EED: variants seen among roughly 807,000 people sequenced by gnomAD.
EED encodes embryonic ectoderm development.
EED carries 9 observed loss-of-function variants against 61.0 expected under a neutral mutation model. That is an observed-to-expected ratio of 0.15 (90% CI 0.09 to 0.26). The LOEUF (loss-of-function observed/expected upper bound fraction) is 0.26, where lower values mean the gene tolerates loss of function less well. Ranked by LOEUF, EED falls within the 10% of genes least tolerant of loss-of-function variation. EED has a pLI of 1.00. For missense variants in EED, 315 were observed against 542.3 expected (o/e 0.58, Z 4.16); for synonymous variants, 187 against 174.4 (o/e 1.07, Z -0.57).
chr11:86,265,227 G>A (rs563994636), intron 7 of EED: 1 of 152,226 alleles, frequency 6.6e-6, no homozygotes, highest in Non-Finnish European at 1.5e-5. Context: ...AAGTTCTTAG[G>A]CTCTTATAAA....
chr11:86,255,728 GTT>G (rs1267885886), intron 4 of EED, among the ~76,000 whole-genome samples: 3 of 151,650 alleles, frequency 2.0e-5, no homozygotes, highest in Non-Finnish European at 4.4e-5. Context: ...GAAAAAAAAA[GTT>G]TAGGAAAAAT....
intron 1 of EED, among the ~76,000 whole-genome samples, chr11:86,246,243 T>TAACC (rs142061557): frequency 4.0e-3 from 617 of 152,384 alleles, no homozygotes; most frequent in African/African-American, 0.014. Context: ...TTTAGGTTGA[T>TAACC]AACCAGTAAG....
At chr11:86,268,611 GTGTGTGTGTGTGTGTA>G (rs772465920) in intron 9 of EED, 50 bp downstream of exon 9, 1 of 1,181,874 alleles carries the variant, frequency 8.5e-7, no homozygotes, top group Admixed American at 2.2e-5. Context: ...GTGTGTGTGT[GTGTGTGTGTGTGTGTA>G]TGTGTGTGCG....
At chr11:86,245,843 G>A (rs1945378028) in intron 1 of EED, among the ~76,000 whole-genome samples, 1 of 152,148 alleles carries the variant, frequency 6.6e-6, no homozygotes, top group Admixed American at 6.5e-5. Context: ...TTTTGTGTCC[G>A]CCTCCGTCCT....
chr11:86,266,738 A>G (rs569948753), intron 8 of EED, among the ~76,000 whole-genome samples: 1 of 152,226 alleles, frequency 6.6e-6, no homozygotes, highest in Non-Finnish European at 1.5e-5. Flanking sequence ...ATGGTACTAT[A>G]GGTTGGGGAA....
In EED at chr11:86,245,172, G is replaced by T. The variant is rs957123966; in HGVS notation, c.-58G>T. 5.6e-6 allele frequency: 8 copies of T among 1,439,198 alleles called. No homozygotes were observed. The East Asian group carries it at 1.5e-4, about 26-fold the overall frequency. The allele number at this position is 1,439,198 out of a possible 1,614,324, so 89.2% of individuals were successfully genotyped here. ...CAAGCTCGGGCCGGGCTTGCTTGAC[G>T]GCGGTGTGGCGGAGGCCCCGCCCCA... On this transcript the variant is annotated 5_prime_UTR_variant, in exon 1 of 12. Coordinates refer to ENST00000263360, the MANE Select transcript of EED (RefSeq NM_003797.5).
chr11:86,276,345 C>T (rs1946229823), intron 9 of EED: 1 of 152,176 alleles, frequency 6.6e-6, no homozygotes, highest in African/African-American at 2.4e-5. Flanking sequence ...ATCCTATCCC[C>T]ATATGAGTGT....
At chr11:86,278,131 CTT>C in intron 11 of EED, 140 bp downstream of exon 11, 3 of 1,351,752 alleles carry the variant, frequency 2.2e-6, no homozygotes, top group Non-Finnish European at 2.9e-6. Context: ...TAAAGTTATT[CTT>C]TTTTATTCCA....
intron 2 of EED, 130 bp downstream of exon 2, chr11:86,250,578 G>GT (rs35137499): frequency 0.029 from 25,490 of 872,700 alleles, 4 homozygotes; most frequent in East Asian, 0.048. Context: ...TTTCTGAAGG[G>GT]TTTTTTTTTT....
downstream of EED, among the ~76,000 whole-genome samples, chr11:86,280,703 A>G (rs1788728673): frequency 6.6e-6 from 1 of 152,270 alleles, no homozygotes. Context: ...TATACAATGT[A>G]GAATGAGCAA....
At chr11:86,262,958 C>A (rs1945871984) in intron 6 of EED, among the ~76,000 whole-genome samples, 1 of 151,952 alleles carries the variant, frequency 6.6e-6, no homozygotes, top group African/African-American at 2.4e-5. Flanking sequence ...ACTGCAGGTA[C>A]ACGCCACCAC....
chr11:86,278,040 C>T lies in EED; in HGVS notation c.1199+49C>T, dbSNP rs775181657. ...CAAAATTTCAGGCTTTTTCTCCACA[C>T]TTGTATGCCAATGTAGAGAAGATCA... On this transcript the variant is annotated intron_variant, in intron 11 of 11. Transcript: ENST00000263360. 26 of 1,476,768 alleles carry T rather than the reference C, an allele frequency of 1.8e-5. No homozygotes were observed. In the South Asian group the frequency reaches 2.0e-4, roughly 11 times the overall value. 91.5% of individuals were successfully genotyped at this position (1,476,768 alleles called of 1,614,324 possible). A position where few individuals can be genotyped will look rare whatever the true frequency, so the allele number is the denominator to read the frequency against.
At chr11:86,269,276 A>G (rs1242902664) in intron 9 of EED, among the ~76,000 whole-genome samples, 1 of 152,162 alleles carries the variant, frequency 6.6e-6, no homozygotes, top group Non-Finnish European at 1.5e-5. Flanking sequence ...CCATTTTGGT[A>G]AAGTTGAAAA....
chr11:86,255,948 T>C (rs1013389488), intron 4 of EED, among the ~76,000 whole-genome samples: 1 of 152,218 alleles, frequency 6.6e-6, no homozygotes, highest in African/African-American at 2.4e-5. Flanking sequence ...CCTGTTGTTG[T>C]ATTGAGACTG....
chr11:86,271,619 T>C (rs1946113004), intron 9 of EED, among the ~76,000 whole-genome samples: 1 of 152,230 alleles, frequency 6.6e-6, no homozygotes, highest in Admixed American at 6.5e-5. Flanking sequence ...TGTTTTGTTT[T>C]GTTTTGTAGA....
intron 6 of EED, among the ~76,000 whole-genome samples, chr11:86,258,863 A>G (rs571574903): frequency 1.1e-4 from 17 of 148,294 alleles, no homozygotes; most frequent in Non-Finnish European, 2.2e-4. Flanking sequence ...GCCTCTATTT[A>G]TTTATTTATT....
intron 9 of EED, among the ~76,000 whole-genome samples, chr11:86,273,462 G>T (rs1043598357): frequency 3.3e-5 from 5 of 149,446 alleles, no homozygotes; most frequent in African/African-American, 1.3e-4. Flanking sequence ...AAAAGGAAAA[G>T]GAGAATATTA....
chr11:86,273,890 T>A (rs1593769098), intron 9 of EED, among the ~76,000 whole-genome samples: 1 of 152,218 alleles, frequency 6.6e-6, no homozygotes, highest in Non-Finnish European at 1.5e-5. Flanking sequence ...TTGAGTGCGA[T>A]ATGACTTGAT....
In EED at chr11:86,245,039, T is replaced by G; in HGVS notation, c.-191T>G. 2.1e-6 allele frequency: 1 copy of G among 487,370 alleles called. No individual in the cohort carries two copies. Among genetic ancestry groups the G allele is most frequent in the Non-Finnish European group, 3.7e-6 (1 of 273,038 alleles). The allele number at this position is 487,370 out of a possible 1,614,324, so 30.2% of individuals were successfully genotyped here. On this transcript the variant is annotated 5_prime_UTR_variant, in exon 1 of 12. Transcript: ENST00000263360. ...CGGGAGGGCGCGCGCGCGCGCCCCT[T>G]TTTCAGCAGTGTGGCGGGGTCGCAC...
Sources: allele counts gnomAD v4.1 joint callset (sites outside exome capture counted in the v4.1 genomes callset), GRCh38; gene constraint gnomAD v4.1.1; transcripts MANE v1.5; gene names NCBI Gene and HGNC (gene_info 2026-07-23, HGNC 2026-07-21).